The following RP1 variants were observed in gnomAD, a reference collection of about 807,000 sequenced individuals.
RP1 encodes the protein oxygen-regulated protein 1.
In RP1, 16 loss-of-function variants were observed where a neutral mutation model predicts 14.8. The observed-to-expected ratio is 1.08, with a 90% confidence interval of 0.73 to 1.65. The LOEUF (loss-of-function observed/expected upper bound fraction) is 1.65, where lower values mean the gene tolerates loss of function less well. Among genes scored for constraint, RP1 ranks in the 40% most tolerant of loss-of-function variants. The probability of loss-of-function intolerance (pLI) is 0.00; values close to 1 mark genes in which losing one functional copy is unlikely to be tolerated. For synonymous variants in RP1, 876 were observed against 883.6 expected, an observed-to-expected ratio of 0.99 and a Z score of 0.15; for missense variants, 2,631 against 2,535.0, an observed-to-expected ratio of 1.04 and a Z score of -0.81.
chr8:54,679,403 C>T, intron 9 of RP1: 1 of 1,528,852 alleles, frequency 6.5e-7, no homozygotes, highest in Non-Finnish European at 8.8e-7. Flanking sequence ...ATAATCGATA[C>T]ACTTTTCTTT....
chr8:54,811,223 C>T (rs868420828), intron 24 of RP1, among the ~76,000 whole-genome samples: 7 of 152,268 alleles, frequency 4.6e-5, no homozygotes, highest in African/African-American at 1.7e-4. Flanking sequence ...AGAATTGTTA[C>T]TGCTGCCAAC....
At chr8:54,693,179 C>A (rs1264933468) in intron 12 of RP1, among the ~76,000 whole-genome samples, 5 of 152,020 alleles carry the variant, frequency 3.3e-5, no homozygotes, top group Non-Finnish European at 5.9e-5. Flanking sequence ...TGGTCTATAT[C>A]TCTGTTTTGG....
At chr8:54,674,045 G>A in intron 8 of RP1, 2 of 722,118 alleles carry the variant, frequency 2.8e-6, no homozygotes, top group African/African-American at 1.8e-5. Context: ...TCTATGTATT[G>A]ACTATATGAA....
chr8:54,586,813 C>T lies in RP1; in HGVS notation c.-13+27493C>T, dbSNP rs531569078. On this transcript the variant is annotated intron_variant, in intron 1 of 22. Coordinates refer to the RP1 transcript ENST00000636932. ...CCAAGCCAGGTGCGGGATATAATCTCGTGGTGTGCCGTTTGCTAAGACCAT... is the reference window on the plus strand; with the variant it reads ...CCAAGCCAGGTGCGGGATATAATCTTGTGGTGTGCCGTTTGCTAAGACCAT... Among the ~76,000 whole-genome samples the T allele has an allele frequency of 8.1e-4, 123 of 152,328 alleles. 1 individual carries two copies. The highest frequency in any genetic ancestry group is 5.0e-3 in the South Asian group (24 of 4,824).
chr8:54,738,324 T>A (rs1423845303), intron 18 of RP1, among the ~76,000 whole-genome samples: 1 of 152,182 alleles, frequency 6.6e-6, no homozygotes, highest in Non-Finnish European at 1.5e-5. Flanking sequence ...GAGCTAAAAG[T>A]GATTCCCAAA....
chr8:54,757,225 T>G (rs1425137180), intron 21 of RP1, among the ~76,000 whole-genome samples: 2 of 152,222 alleles, frequency 1.3e-5, no homozygotes, highest in African/African-American at 4.8e-5. Context: ...CATAAACCAC[T>G]CATTGGGCTA....
intron 24 of RP1, among the ~76,000 whole-genome samples, chr8:54,798,650 A>G: frequency 6.6e-6 from 1 of 152,306 alleles, no homozygotes; most frequent in Middle Eastern, 3.4e-3. Context: ...TTTTGAGGGC[A>G]TTAGTGTTCT....
At position 54,629,876 on chromosome 8, in the gene RP1, T is replaced by G; in HGVS notation, c.5994T>G (p.Phe1998Leu). The G allele has an allele frequency of 1.2e-6, 2 of 1,613,954 alleles. No homozygotes were observed. Among genetic ancestry groups the G allele is most frequent in the Non-Finnish European group, 1.7e-6 (2 of 1,179,958 alleles). ...IFDQFYFSNT[F>L]DLMGKRRKQK... Reference sequence around the variant, plus strand: ...ATCAGTTTTATTTCAGTAACACATTTGACTTGATGGGTAAAAGAAGAAAAC... The same window carrying G: ...ATCAGTTTTATTTCAGTAACACATTGGACTTGATGGGTAAAAGAAGAAAAC... Residue 1998 changes from phenylalanine to leucine, a missense_variant, in exon 4 of 4, where the codon TTT becomes TTG. Phe to Leu is a conservative substitution (Grantham distance 22). Transcript: ENST00000220676.
intron 12 of RP1, among the ~76,000 whole-genome samples, chr8:54,687,795 G>A (rs966871723): frequency 6.6e-6 from 1 of 152,158 alleles, no homozygotes; most frequent in African/African-American, 2.4e-5. Context: ...CTTTATAGCA[G>A]AATGACTTAT....
chr8:54,690,683 C>G (rs1380241805), intron 12 of RP1, among the ~76,000 whole-genome samples: 1 of 151,910 alleles, frequency 6.6e-6, no homozygotes, highest in Admixed American at 6.6e-5. Context: ...AACTCTCTGA[C>G]TTAAGTATAT....
chr8:54,621,670 G>A lies in RP1; in HGVS notation c.615+89G>A, dbSNP rs553589641. 6.2e-4 allele frequency: 991 copies of A among 1,588,788 alleles called. 1 individual carries two copies. Among genetic ancestry groups the A allele is most frequent in the Non-Finnish European group, 8.1e-4 (939 of 1,164,664 alleles). ...GTGGGATATGAATGGTGGCCCCCGGGAAGGAAATCTTCCTTCCTCCCTGCC... is the reference window on the plus strand; with the variant it reads ...GTGGGATATGAATGGTGGCCCCCGGAAAGGAAATCTTCCTTCCTCCCTGCC... On this transcript the variant is annotated intron_variant, in intron 2 of 3. Transcript: ENST00000220676.
In RP1 at chr8:54,622,218, T is replaced by C; in HGVS notation, c.717T>C (p.Leu239=). 6.2e-7 allele frequency: 1 copy of C among 1,614,132 alleles called. No homozygotes were observed. Among genetic ancestry groups the C allele is most frequent in the South Asian group, 1.1e-5 (1 of 91,078 alleles). ...PGNYDIQKYL[L]PARLPGISQR... is the part of the protein sequence containing the mutation. ...ATTATGACATCCAAAAATACTTGCT[T>C]CCTGCTAGATTACCAGGGATCTCTC... is the stretch of plus-strand genomic sequence containing the variant. Residue 239 remains leucine (L), a synonymous_variant, in exon 3 of 4, where the codon CTT becomes CTC. Transcript: ENST00000220676.
intron 25 of RP1, among the ~76,000 whole-genome samples, chr8:54,838,063 C>A (rs1179278848): frequency 6.6e-6 from 1 of 152,152 alleles, no homozygotes; most frequent in African/African-American, 2.4e-5. Context: ...GTTGTTTGCC[C>A]ACCCCTGATT....
chr8:54,681,522 GTATGTA>G (rs1297890547), intron 12 of RP1, among the ~76,000 whole-genome samples: 9 of 143,056 alleles, frequency 6.3e-5, no homozygotes, highest in African/African-American at 2.3e-4. Flanking sequence ...GTGTGTGTGT[GTATGTA>G]TATATGTATA....
intron 19 of RP1, among the ~76,000 whole-genome samples, chr8:54,748,753 GT>G (rs1222510282): frequency 6.6e-6 from 1 of 152,134 alleles, no homozygotes; most frequent in African/African-American, 2.4e-5. Flanking sequence ...CTATAAATAC[GT>G]TGTGTCCAAC....
intron 12 of RP1, among the ~76,000 whole-genome samples, chr8:54,696,109 G>T (rs546677792): frequency 6.6e-6 from 1 of 152,126 alleles, no homozygotes; most frequent in South Asian, 2.1e-4. Context: ...AAAAGTGTTT[G>T]CCTGTGTGGT....
At chr8:54,589,825 A>G (rs1252236548) in intron 1 of RP1, among the ~76,000 whole-genome samples, 1 of 152,148 alleles carries the variant, frequency 6.6e-6, no homozygotes, top group Non-Finnish European at 1.5e-5. Context: ...ACTTCCTCTA[A>G]TTTCCACTGC....
Position 54,624,900 on chromosome 8 carries a change from A to C in RP1, c.1018A>C (p.Arg340=), listed in dbSNP as rs202098209. Residue 340 remains arginine, a synonymous_variant, in exon 4 of 4, where the codon AGA becomes CGA. Coordinates refer to ENST00000220676, the MANE Select transcript of RP1 (RefSeq NM_006269.2). ...GACAGTTGAGATGAAAGTTCGATTC[A>C]GAATAAAAGAGGAAGAAACCATAAA... ...TMTVEMKVRF[R]IKEEETIKWT... is the part of the protein sequence containing the mutation. 1 of 1,613,996 alleles carries C rather than the reference A, an allele frequency of 6.2e-7. No individual in the cohort carries two copies. Among genetic ancestry groups the C allele is most frequent in the Non-Finnish European group, 8.5e-7 (1 of 1,180,016 alleles).
At chr8:54,590,030 A>G (rs963289835) in intron 1 of RP1, among the ~76,000 whole-genome samples, 29 of 152,082 alleles carry the variant, frequency 1.9e-4, no homozygotes, top group Admixed American at 7.2e-4. Context: ...GTACCACATC[A>G]TCTGCCTTCC....
Sources: allele counts gnomAD v4.1 joint callset (sites outside exome capture counted in the v4.1 genomes callset), GRCh38; gene constraint gnomAD v4.1.1; transcripts MANE v1.5; gene names NCBI Gene and HGNC (gene_info 2026-07-23, HGNC 2026-07-21).